Variants in PURA observed in about 807,000 individuals in gnomAD.
The protein encoded by PURA is purine rich element binding protein A.
In PURA, 2 loss-of-function variants were observed where a neutral mutation model predicts 23.1. The ratio of observed to expected loss-of-function variants is 0.09; its 90% CI spans 0.04 to 0.27. PURA has a LOEUF of 0.27. PURA is among the 10% of genes least tolerant of loss of function. The probability of loss-of-function intolerance (pLI) is 1.00; values close to 1 mark genes in which losing one functional copy is unlikely to be tolerated. For synonymous variants in PURA, 254 were observed against 205.9 expected (o/e 1.23, Z -2.00); for missense variants, 187 against 449.7 (o/e 0.42, Z 5.28).
chr5:140,122,935 A>G lies in PURA; in HGVS notation c.*7785A>G, dbSNP rs1326203889. The G allele has an allele frequency of 6.0e-6, 1 of 166,822 alleles. No homozygotes were observed. The allele number at this position is 166,822 out of a possible 1,614,324, so 10.3% of individuals were successfully genotyped here. A position where few individuals can be genotyped will look rare whatever the true frequency, so the allele number is the denominator to read the frequency against. ...AGTTTCATTTTACTCACATCTCTAT[A>G]TATTAGTGATAAAAATCTCTTTTAA... On this transcript the variant is annotated 3_prime_UTR_variant, in exon 1 of 1. Coordinates refer to ENST00000331327, the MANE Select transcript of PURA (RefSeq NM_005859.5).
chr5:140,118,658 A>G lies in PURA; in HGVS notation c.*3508A>G, dbSNP rs1255619999. ...TATTTGCCAAATGGAAAAAAAGACA[A>G]TGCTAGTCAGAAAAGACAAACTGTT... On this transcript the variant is annotated 3_prime_UTR_variant, in exon 1 of 1. Coordinates refer to ENST00000331327, the MANE Select transcript of PURA (RefSeq NM_005859.5). 1.2e-5 allele frequency: 2 copies of G among 166,948 alleles called. No individual in the cohort carries two copies. Among genetic ancestry groups the G allele is most frequent in the African/African-American group, 4.8e-5 (2 of 41,432 alleles). The allele number at this position is 166,948 out of a possible 1,614,324, so 10.3% of individuals were successfully genotyped here. A position where few individuals can be genotyped will look rare whatever the true frequency, so the allele number is the denominator to read the frequency against.
In PURA at chr5:140,119,515, A is replaced by G. The variant is rs1168300900; in HGVS notation, c.*4365A>G. 15 of 166,822 alleles carry G rather than the reference A, an allele frequency of 9.0e-5. No individual in the cohort carries two copies. The highest frequency in any genetic ancestry group is 4.4e-5 in the Non-Finnish European group (3 of 67,948). 10.3% of individuals were successfully genotyped at this position (166,822 alleles called of 1,614,324 possible). A position where few individuals can be genotyped will look rare whatever the true frequency, so the allele number is the denominator to read the frequency against. On this transcript the variant is annotated 3_prime_UTR_variant, in exon 1 of 1. Transcript: ENST00000331327. ...AATTTGGGTGGAAGGGAGGGGGAAA[A>G]GATAAATCCGTTGATAATGAGAATC... is the stretch of plus-strand genomic sequence containing the variant.
In PURA at chr5:140,114,532, C is replaced by T. The variant is rs780978504; in HGVS notation, c.351C>T (p.Phe117=). 8 of 1,606,330 alleles carry T rather than the reference C, an allele frequency of 5.0e-6. No individual in the cohort carries two copies. The highest frequency in any genetic ancestry group is 4.0e-5 in the African/African-American group (3 of 74,848). The change falls in exon 1 of 1, where the codon TTC becomes TTT. Residue 117 remains phenylalanine, a synonymous_variant. Transcript: ENST00000331327. ...AVEFRDYLGD[F]IEHYAQLGPS... is the part of the protein sequence containing the mutation. ...AGTTCCGCGACTACCTGGGCGACTT[C>T]ATCGAGCACTACGCGCAGCTGGGCC... is the stretch of plus-strand genomic sequence containing the variant.
rs147148635 is a variant in PURA at position 140,120,187 on chromosome 5, A to T, written c.*5037A>T. 3.6e-5 allele frequency: 6 copies of T among 166,888 alleles called. No individual in the cohort carries two copies. Among genetic ancestry groups the T allele is most frequent in the African/African-American group, 1.4e-4 (6 of 41,546 alleles). The allele number at this position is 166,888 out of a possible 1,614,324, so 10.3% of individuals were successfully genotyped here. A position where few individuals can be genotyped will look rare whatever the true frequency, so the allele number is the denominator to read the frequency against. On this transcript the variant is annotated 3_prime_UTR_variant, in exon 1 of 1. Transcript: ENST00000331327. ...ATTATCCCTAAATTTGAATATCTTCATAATTTGGAGAGAGATGTATACACA... is the reference window on the plus strand; with the variant it reads ...ATTATCCCTAAATTTGAATATCTTCTTAATTTGGAGAGAGATGTATACACA...
rs1581036621 is a variant in PURA, at chr5:140,114,907, G to A, written c.726G>A (p.Val242=). 1.2e-6 allele frequency: 2 copies of A among 1,614,142 alleles called. No homozygotes were observed. The highest frequency in any genetic ancestry group is 1.3e-5 in the African/African-American group (1 of 74,956). Residue 242 remains valine, a synonymous_variant, in exon 1 of 1, where the codon GTG becomes GTA. Transcript: ENST00000331327. ...FFDVGSNKYG[V]FMRVSEVKPT... is the part of the protein sequence containing the mutation. Reference sequence around the variant, plus strand: ...ATGTGGGCTCCAACAAGTACGGCGTGTTTATGCGAGTGAGCGAGGTGAAGC... The same window carrying A: ...ATGTGGGCTCCAACAAGTACGGCGTATTTATGCGAGTGAGCGAGGTGAAGC...
At position 140,123,241 on chromosome 5, in the gene PURA, T is replaced by C. The variant is rs1763171406; in HGVS notation, c.*8091T>C. ...CCAAACCTGTGTCAAGAACTTGTGA[T>C]TTAAATGACTGTGAGACAAGTCCTT... On this transcript the variant is annotated 3_prime_UTR_variant, in exon 1 of 1. Coordinates refer to ENST00000331327, the MANE Select transcript of PURA (RefSeq NM_005859.5). 6.0e-6 allele frequency: 1 copy of C among 166,976 alleles called. No homozygotes were observed. 10.3% of individuals were successfully genotyped at this position (166,976 alleles called of 1,614,324 possible).
Position 140,117,351 on chromosome 5 carries a change from A to T in PURA, c.*2201A>T, listed in dbSNP as rs1230914752. The T allele has an allele frequency of 6.0e-6, 1 of 166,964 alleles. No homozygotes were observed. Among genetic ancestry groups the T allele is most frequent in the Non-Finnish European group, 1.5e-5 (1 of 68,094 alleles). 10.3% of individuals were successfully genotyped at this position (166,964 alleles called of 1,614,324 possible). A position where few individuals can be genotyped will look rare whatever the true frequency, so the allele number is the denominator to read the frequency against. On this transcript the variant is annotated 3_prime_UTR_variant, in exon 1 of 1. Coordinates refer to ENST00000331327, the MANE Select transcript of PURA (RefSeq NM_005859.5). ...GAATGCTTATCAACTGCATGTAAAC[A>T]TTAATAACCTGCACTTTTTTGTCTT...
In PURA at chr5:140,120,697, T is replaced by A. The variant is rs1763143147; in HGVS notation, c.*5547T>A. The stretch of plus-strand genomic sequence containing the variant: ...ATGATAAAAGAACAACCAGATGAAA[T>A]AAGAAATAATGATTGGTTTCAAGCC... On this transcript the variant is annotated 3_prime_UTR_variant, in exon 1 of 1. Coordinates refer to ENST00000331327, the MANE Select transcript of PURA (RefSeq NM_005859.5). 6.0e-6 allele frequency: 1 copy of A among 166,436 alleles called. No individual in the cohort carries two copies. Among genetic ancestry groups the A allele is most frequent in the South Asian group, 2.1e-4 (1 of 4,826 alleles). The allele number at this position is 166,436 out of a possible 1,614,324, so 10.3% of individuals were successfully genotyped here. A position where few individuals can be genotyped will look rare whatever the true frequency, so the allele number is the denominator to read the frequency against.
In PURA at chr5:140,114,906, T is replaced by C; in HGVS notation, c.725T>C (p.Val242Ala). 1 of 1,614,204 alleles carries C rather than the reference T, an allele frequency of 6.2e-7. No individual in the cohort carries two copies. The highest frequency in any genetic ancestry group is 8.5e-7 in the Non-Finnish European group (1 of 1,180,022). Reference protein sequence around the residue: ...FFDVGSNKYGVFMRVSEVKPT... With the variant: ...FFDVGSNKYGAFMRVSEVKPT... Reference sequence around the variant, plus strand: ...GATGTGGGCTCCAACAAGTACGGCGTGTTTATGCGAGTGAGCGAGGTGAAG... The same window carrying C: ...GATGTGGGCTCCAACAAGTACGGCGCGTTTATGCGAGTGAGCGAGGTGAAG... Residue 242 changes from valine (V) to alanine (A), a missense_variant, in exon 1 of 1, where the codon GTG (valine) becomes GCG (alanine). This residue lies in a region of PURA where 65 missense variants were observed against 158.6 expected (regional missense o/e 0.41). Coordinates refer to ENST00000331327, the MANE Select transcript of PURA (RefSeq NM_005859.5).
In PURA at chr5:140,114,570, C is replaced by G; in HGVS notation, c.389C>G (p.Pro130Arg). The G allele has an allele frequency of 6.2e-7, 1 of 1,602,172 alleles. No homozygotes were observed. Among genetic ancestry groups the G allele is most frequent in the Non-Finnish European group, 8.5e-7 (1 of 1,176,506 alleles). Reference protein sequence around the residue: ...HYAQLGPSQPPDLAQAQDEPR... With the variant: ...HYAQLGPSQPRDLAQAQDEPR... Reference sequence around the variant, plus strand: ...GCGCAGCTGGGCCCCAGCCAGCCGCCGGACCTGGCCCAGGCGCAGGACGAG... The same window carrying G: ...GCGCAGCTGGGCCCCAGCCAGCCGCGGGACCTGGCCCAGGCGCAGGACGAG... The change falls in exon 1 of 1, where the codon CCG becomes CGG. Residue 130 changes from proline to arginine, a missense_variant. Pro to Arg is a moderately radical substitution (Grantham distance 103). This residue lies in a region of PURA where 26 missense variants were observed against 29.1 expected (regional missense o/e 0.89). Transcript: ENST00000331327.
At position 140,122,088 on chromosome 5, in the gene PURA, G is replaced by C. The variant is rs1475300040; in HGVS notation, c.*6938G>C. On this transcript the variant is annotated 3_prime_UTR_variant, in exon 1 of 1. Coordinates refer to ENST00000331327, the MANE Select transcript of PURA (RefSeq NM_005859.5). ...TATGAGAAAGCTGTTAGTTACTATA[G>C]CTAGAGTTATGATAATGATCATGCA... is the stretch of plus-strand genomic sequence containing the variant. 6.0e-6 allele frequency: 1 copy of C among 166,810 alleles called. No individual in the cohort carries two copies. The highest frequency in any genetic ancestry group is 1.5e-5 in the Non-Finnish European group (1 of 68,004). The allele number at this position is 166,810 out of a possible 1,614,324, so 10.3% of individuals were successfully genotyped here.
In PURA at chr5:140,115,861, A is replaced by G. The variant is rs1257621548; in HGVS notation, c.*711A>G. 1.2e-5 allele frequency: 2 copies of G among 167,026 alleles called. No homozygotes were observed. The highest frequency in any genetic ancestry group is 2.9e-5 in the Non-Finnish European group (2 of 68,122). The allele number at this position is 167,026 out of a possible 1,614,324, so 10.3% of individuals were successfully genotyped here. A position where few individuals can be genotyped will look rare whatever the true frequency, so the allele number is the denominator to read the frequency against. ...AGGTTTAATTCATGCAAGGTAAACA[A>G]TAAGTGCTCTCTTTTATACAATATG... is the stretch of plus-strand genomic sequence containing the variant. On this transcript the variant is annotated 3_prime_UTR_variant, in exon 1 of 1. Transcript: ENST00000331327. The surrounding 1 kb of genome is among the most constrained non-coding windows in gnomAD (Gnocchi z 4.1).
chr5:140,119,381 T>A lies in PURA; in HGVS notation c.*4231T>A, dbSNP rs1475921912. On this transcript the variant is annotated 3_prime_UTR_variant, in exon 1 of 1. Coordinates refer to ENST00000331327, the MANE Select transcript of PURA (RefSeq NM_005859.5). ...TTTTAAACTTTTTGAAGCCAAGTGA[T>A]CAAGTACATTTGTAATAAAAGTCAA... The A allele has an allele frequency of 6.0e-6, 1 of 166,912 alleles. No individual in the cohort carries two copies. The highest frequency in any genetic ancestry group is 1.5e-5 in the Non-Finnish European group (1 of 67,976). The allele number at this position is 166,912 out of a possible 1,614,324, so 10.3% of individuals were successfully genotyped here.
At position 140,117,823 on chromosome 5, in the gene PURA, C is replaced by T. The variant is rs543585958; in HGVS notation, c.*2673C>T. The T allele has an allele frequency of 9.0e-5, 15 of 166,036 alleles. No homozygotes were observed. Among genetic ancestry groups the T allele is most frequent in the African/African-American group, 3.6e-4 (15 of 41,554 alleles). The allele number at this position is 166,036 out of a possible 1,614,324, so 10.3% of individuals were successfully genotyped here. ...TTGAAACCAGTGTCTGATTTATGGT[C>T]AGTGGGTTTAAAAAGAAATCCACAT... is the stretch of plus-strand genomic sequence containing the variant. On this transcript the variant is annotated 3_prime_UTR_variant, in exon 1 of 1. Coordinates refer to ENST00000331327, the MANE Select transcript of PURA (RefSeq NM_005859.5).
In PURA at chr5:140,114,155, G is replaced by A. The variant is rs1763033615; in HGVS notation, c.-27G>A. The stretch of plus-strand genomic sequence containing the variant: ...GGCGGCGGGCGGAGCGGCAGGCGGC[G>A]GCGGCGCGGCAGCGGAGCGCAGCAT... On this transcript the variant is annotated 5_prime_UTR_variant, in exon 1 of 1. Transcript: ENST00000331327. The A allele has an allele frequency of 3.4e-6, 2 of 591,752 alleles. No individual in the cohort carries two copies. Among genetic ancestry groups the A allele is most frequent in the Non-Finnish European group, 4.8e-6 (2 of 417,166 alleles). 36.7% of individuals were successfully genotyped at this position (591,752 alleles called of 1,614,324 possible). A position where few individuals can be genotyped will look rare whatever the true frequency, so the allele number is the denominator to read the frequency against.
Position 140,123,088 on chromosome 5 carries a change from A to G in PURA, c.*7938A>G, listed in dbSNP as rs1763169943. On this transcript the variant is annotated 3_prime_UTR_variant, in exon 1 of 1. Coordinates refer to ENST00000331327, the MANE Select transcript of PURA (RefSeq NM_005859.5). ...TATTTTGTAGAGTTGGCACTTTAGT[A>G]TAATTTTCACATTTTATTGTGTCAG... is the stretch of plus-strand genomic sequence containing the variant. The G allele has an allele frequency of 6.0e-6, 1 of 166,960 alleles. No homozygotes were observed. Among genetic ancestry groups the G allele is most frequent in the Non-Finnish European group, 1.5e-5 (1 of 68,036 alleles). 10.3% of individuals were successfully genotyped at this position (166,960 alleles called of 1,614,324 possible).
At position 140,125,261 on chromosome 5, in the gene PURA, G is replaced by C. The variant is rs968018329; in HGVS notation, c.*10111G>C. ...GTAGAGAATTTTAGTGCAAATCGTTGATAAAATTAGGAACCAACTATTGGC... is the reference window on the plus strand; with the variant it reads ...GTAGAGAATTTTAGTGCAAATCGTTCATAAAATTAGGAACCAACTATTGGC... On this transcript the variant is annotated 3_prime_UTR_variant, in exon 1 of 1. Coordinates refer to ENST00000331327, the MANE Select transcript of PURA (RefSeq NM_005859.5). 6.0e-6 allele frequency: 1 copy of C among 166,748 alleles called. No homozygotes were observed. Among genetic ancestry groups the C allele is most frequent in the African/African-American group, 2.4e-5 (1 of 41,434 alleles). 10.3% of individuals were successfully genotyped at this position (166,748 alleles called of 1,614,324 possible).
chr5:140,114,124 G>C lies in PURA; in HGVS notation c.-58G>C, dbSNP rs997608532. ...GAGGGAAAGCAGCGGCGGCTGAGGC[G>C]ACTGAGGCGGCGGGCGGAGCGGCAG... On this transcript the variant is annotated 5_prime_UTR_variant, in exon 1 of 1. Coordinates refer to ENST00000331327, the MANE Select transcript of PURA (RefSeq NM_005859.5). 4 of 380,060 alleles carry C rather than the reference G, an allele frequency of 1.1e-5. No individual in the cohort carries two copies. The highest frequency in any genetic ancestry group is 6.5e-5 in the African/African-American group (3 of 46,144). The allele number at this position is 380,060 out of a possible 1,614,324, so 23.5% of individuals were successfully genotyped here.
rs1213405918 is a variant in PURA at position 140,120,168 on chromosome 5, C to A, written c.*5018C>A. ...AGTATAACATTTATAGTTTATTATC[C>A]CTAAATTTGAATATCTTCATAATTT... On this transcript the variant is annotated 3_prime_UTR_variant, in exon 1 of 1. Transcript: ENST00000331327. 1 of 166,592 alleles carries A rather than the reference C, an allele frequency of 6.0e-6. No individual in the cohort carries two copies. Among genetic ancestry groups the A allele is most frequent in the African/African-American group, 2.4e-5 (1 of 41,360 alleles). The allele number at this position is 166,592 out of a possible 1,614,324, so 10.3% of individuals were successfully genotyped here.
Sources: gnomAD v4.1 joint callset for allele counts on GRCh38, gnomAD v4.1.1 for gene constraint, gnomAD v4.1.1 regional missense constraint, Gnocchi (gnomAD v3.1) non-coding constraint, MANE v1.5 for transcripts, NCBI Gene and HGNC (gene_info 2026-07-23, HGNC 2026-07-21) for gene names.